SLC22A23: variants seen among roughly 807,000 people sequenced by gnomAD.
SLC22A23 encodes ion transporter protein.
SLC22A23 carries 26 observed loss-of-function variants against 61.0 expected under a neutral mutation model. The observed-to-expected ratio is 0.43, with a 90% CI of 0.31 to 0.59. The LOEUF is 0.59. Among genes scored for constraint, SLC22A23 ranks in the 20% least tolerant of loss-of-function variants. The pLI is 0.11. For missense variants in SLC22A23, 796 were observed against 934.7 expected (o/e 0.85, Z 1.94); for synonymous variants, 430 against 413.9 (o/e 1.04, Z -0.47).
At chr6:3,433,232 C>G (rs1770987554) in intron 1 of SLC22A23, among the ~76,000 whole-genome samples, 3 of 152,182 alleles carry the variant, frequency 2.0e-5, no homozygotes, top group Admixed American at 1.3e-4. Context: ...CTAAGTCACC[C>G]TTGGGACACA....
chr6:3,443,865 A>G (rs905904171), intron 1 of SLC22A23, among the ~76,000 whole-genome samples: 3 of 152,196 alleles, frequency 2.0e-5, no homozygotes, highest in Admixed American at 2.0e-4. Flanking sequence ...AGGCGAAGCC[A>G]GTTTGAAGTG....
At chr6:3,348,584 C>T (rs1473487167) in intron 3 of SLC22A23, among the ~76,000 whole-genome samples, 2 of 152,202 alleles carry the variant, frequency 1.3e-5, no homozygotes, top group African/African-American at 4.8e-5. Context: ...ACTTACTAGC[C>T]TGGCAATCAC....
rs192940432 is a variant in SLC22A23 at position 3,327,212 on chromosome 6, G to A, written c.914-3210C>T. 8.6e-4 allele frequency among the ~76,000 whole-genome samples: 131 copies of A among 152,366 alleles called. No homozygotes were observed. Among genetic ancestry groups the A allele is most frequent in the African/African-American group, 2.7e-3 (112 of 41,586 alleles). ...CCACTGGCCTTGGGCTTGAAAGGCAGGGAATGATGTCCCCAATCCAACTGC... is the reference window on the plus strand; with the variant it reads ...CCACTGGCCTTGGGCTTGAAAGGCAAGGAATGATGTCCCCAATCCAACTGC... On this transcript the variant is annotated intron_variant, in intron 3 of 9. Transcript: ENST00000406686. This position sits in a 1 kb window ranked among gnomAD's most constrained non-coding sequence, Gnocchi z 4.1.
At position 3,431,633 on chromosome 6, in the gene SLC22A23, G is replaced by C. The variant is rs116420856; in HGVS notation, c.655-15778C>G. 1.1e-3 allele frequency among the ~76,000 whole-genome samples: 169 copies of C among 152,340 alleles called. 1 individual carries two copies. Among genetic ancestry groups the C allele is most frequent in the African/African-American group, 3.9e-3 (163 of 41,584 alleles). ...TGCCCAGATATTTTGGTTTTGGAAAGTAGGAATAGAGAGGAAATTTTGAAA... is the reference window on the plus strand; with the variant it reads ...TGCCCAGATATTTTGGTTTTGGAAACTAGGAATAGAGAGGAAATTTTGAAA... On this transcript the variant is annotated intron_variant, in intron 1 of 9. Transcript: ENST00000406686.
At chr6:3,337,446 C>CTT (rs112272605) in intron 3 of SLC22A23, among the ~76,000 whole-genome samples, 58 of 143,650 alleles carry the variant, frequency 4.0e-4, no homozygotes, top group African/African-American at 1.2e-3. Context: ...TTACAATTCC[C>CTT]TTTTTTTTTT....
At chr6:3,347,912 G>A (rs1027153967) in intron 3 of SLC22A23, among the ~76,000 whole-genome samples, 1 of 152,110 alleles carries the variant, frequency 6.6e-6, no homozygotes, top group Non-Finnish European at 1.5e-5. Flanking sequence ...GCCCAGCATC[G>A]GGAGGTGTGC....
At position 3,329,465 on chromosome 6, in the gene SLC22A23, T is replaced by C. The variant is rs1763462909; in HGVS notation, c.914-5463A>G. On this transcript the variant is annotated intron_variant, in intron 3 of 9. Coordinates refer to ENST00000406686, the MANE Select transcript of SLC22A23 (RefSeq NM_015482.2). This position sits in a 1 kb window ranked among gnomAD's most constrained non-coding sequence, Gnocchi z 4.8. ...AGTTGGCAAGTAACAAAGGAATATA[T>C]TAAGTTGACTGACAATACTTAAGCC... Among the ~76,000 whole-genome samples, 1 of 152,168 alleles carries C rather than the reference T, an allele frequency of 6.6e-6. No individual in the cohort carries two copies. The highest frequency in any genetic ancestry group is 6.5e-5 in the Admixed American group (1 of 15,286).
At chr6:3,338,397 T>G (rs147999475) in intron 3 of SLC22A23, among the ~76,000 whole-genome samples, 252 of 152,390 alleles carry the variant, frequency 1.7e-3, no homozygotes, top group African/African-American at 5.5e-3. Flanking sequence ...TGGTATGATC[T>G]TCGCTCACTG....
chr6:3,408,048 A>G (rs1446964266), intron 3 of SLC22A23, among the ~76,000 whole-genome samples: 1 of 152,210 alleles, frequency 6.6e-6, no homozygotes, highest in East Asian at 1.9e-4. Context: ...TTTTATTAGA[A>G]CACAGCCACA....
intron 5 of SLC22A23, chr6:3,290,622 C>G (rs1391574056): frequency 6.5e-6 from 1 of 153,070 alleles, no homozygotes; most frequent in Non-Finnish European, 1.5e-5. Flanking sequence ...CTGAAAGCCC[C>G]TCTGAAGGGA....
At chr6:3,380,936 A>C (rs1324214240) in intron 3 of SLC22A23, among the ~76,000 whole-genome samples, 1 of 152,198 alleles carries the variant, frequency 6.6e-6, no homozygotes, top group African/African-American at 2.4e-5. Context: ...TCCAGCCCAG[A>C]AGTGACAGGT....
Position 3,272,968 on chromosome 6 carries a change from C to G in SLC22A23, c.*87G>C. 1 of 1,263,396 alleles carries G rather than the reference C, an allele frequency of 7.9e-7. No homozygotes were observed. The highest frequency in any genetic ancestry group is 2.4e-5 in the Admixed American group (1 of 41,042). 78.3% of individuals were successfully genotyped at this position (1,263,396 alleles called of 1,614,324 possible). A position where few individuals can be genotyped will look rare whatever the true frequency, so the allele number is the denominator to read the frequency against. ...CTCAGCTTGGCTGAGGCAGCTTTCC[C>G]ACCCCTGGCTGCGTGTTCGGTCCCT... On this transcript the variant is annotated 3_prime_UTR_variant, in exon 10 of 10. Coordinates refer to ENST00000406686, the MANE Select transcript of SLC22A23 (RefSeq NM_015482.2).
intron 1 of SLC22A23, among the ~76,000 whole-genome samples, chr6:3,416,900 T>C (rs891043129): frequency 6.6e-6 from 1 of 152,014 alleles, no homozygotes; most frequent in Non-Finnish European, 1.5e-5. Flanking sequence ...AGAGGCAGGA[T>C]TGGAGGGGAT....
intron 3 of SLC22A23, among the ~76,000 whole-genome samples, chr6:3,326,052 A>C (rs2127402907): frequency 6.6e-6 from 1 of 151,658 alleles, no homozygotes; most frequent in African/African-American, 2.4e-5. Context: ...CCCACATCCT[A>C]ATCTACACTG....
At position 3,330,604 on chromosome 6, in the gene SLC22A23, T is replaced by C. The variant is rs1186677414; in HGVS notation, c.914-6602A>G. 6.6e-6 allele frequency among the ~76,000 whole-genome samples: 1 copy of C among 152,184 alleles called. No homozygotes were observed. The highest frequency in any genetic ancestry group is 1.5e-5 in the Non-Finnish European group (1 of 68,030). Reference sequence around the variant, plus strand: ...CCCCCAGAATCCTGGAAAATAGACTTTGGGACATGTGATTGTGGAATTCCT... The same window carrying C: ...CCCCCAGAATCCTGGAAAATAGACTCTGGGACATGTGATTGTGGAATTCCT... On this transcript the variant is annotated intron_variant, in intron 3 of 9. Transcript: ENST00000406686. This position sits in a 1 kb window ranked among gnomAD's most constrained non-coding sequence, Gnocchi z 4.7.
At chr6:3,350,794 G>A (rs1309028235) in intron 3 of SLC22A23, among the ~76,000 whole-genome samples, 4 of 151,992 alleles carry the variant, frequency 2.6e-5, no homozygotes, top group South Asian at 2.1e-4. Flanking sequence ...CAAGGGAGAC[G>A]GAGTTATTTT....
intron 3 of SLC22A23, among the ~76,000 whole-genome samples, chr6:3,351,028 C>G (rs1764738471): frequency 6.6e-6 from 1 of 151,980 alleles, no homozygotes; most frequent in Admixed American, 6.6e-5. Flanking sequence ...TAATGGTGAG[C>G]CTGCATTTCC....
intron 9 of SLC22A23, among the ~76,000 whole-genome samples, chr6:3,282,074 G>A (rs1038289248): frequency 8.5e-5 from 13 of 152,258 alleles, no homozygotes; most frequent in African/African-American, 2.6e-4. Context: ...AGGGGTACCC[G>A]CTAGCCACCC....
chr6:3,434,906 T>C (rs976377328), intron 1 of SLC22A23, among the ~76,000 whole-genome samples: 4 of 152,176 alleles, frequency 2.6e-5, no homozygotes, highest in Non-Finnish European at 5.9e-5. Context: ...TGTCAAGGCC[T>C]GAGGTTCTTA....
Sources: gnomAD v4.1 joint callset for allele counts (sites outside exome capture counted in the v4.1 genomes callset) on GRCh38, gnomAD v4.1.1 for gene constraint, Gnocchi (gnomAD v3.1) non-coding constraint, MANE v1.5 for transcripts, NCBI Gene and HGNC (gene_info 2026-07-23, HGNC 2026-07-21) for gene names.